Variants in SYT16 observed in about 807,000 individuals in gnomAD.
SYT16 encodes the protein synaptotagmin 16.
SYT16 carries 42 observed loss-of-function variants against 61.4 expected under a neutral mutation model. That is an observed-to-expected ratio of 0.68 (90% CI 0.53 to 0.89). The LOEUF is 0.89. SYT16 is among the 40% of genes least tolerant of loss of function. The pLI is 0.00. For missense variants in SYT16, 804 were observed against 807.3 expected (o/e 1.00, Z 0.05); for synonymous variants, 314 against 302.3 (o/e 1.04, Z -0.40).
At chr14:62,015,378 A>G (rs955472458) in intron 3 of SYT16, among the ~76,000 whole-genome samples, 1 of 152,114 alleles carries the variant, frequency 6.6e-6, no homozygotes, top group African/African-American at 2.4e-5. Flanking sequence ...GACCAGTGTA[A>G]ATATCCTATA....
chr14:62,106,550 T>C lies in SYT16; in HGVS notation c.*5843T>C, dbSNP rs1347000183. ...ACCCTTTATAAAGTTCCTTCTAATA[T>C]TTAGGTGTAACGTTAAAAAAGAATC... is the stretch of plus-strand genomic sequence containing the variant. On this transcript the variant is annotated 3_prime_UTR_variant, in exon 8 of 8. Transcript: ENST00000683842. 1 of 152,192 alleles carries C rather than the reference T, an allele frequency of 6.6e-6. No homozygotes were observed. 9.4% of individuals were successfully genotyped at this position (152,192 alleles called of 1,614,324 possible).
intron 1 of SYT16, among the ~76,000 whole-genome samples, chr14:61,865,628 T>C (rs1422143485): frequency 6.6e-6 from 1 of 152,218 alleles, no homozygotes; most frequent in Non-Finnish European, 1.5e-5. Context: ...TTTTCAGTAA[T>C]ATACATAGGA....
At chr14:62,045,137 A>AAAATAAAT (rs754323210) in intron 3 of SYT16, among the ~76,000 whole-genome samples, 1 of 151,854 alleles carries the variant, frequency 6.6e-6, no homozygotes, top group Non-Finnish European at 1.5e-5. Flanking sequence ...GACTATGTCT[A>AAAATAAAT]AAATAAATAA....
chr14:61,841,448 T>G (rs1040093764), intron 1 of SYT16, among the ~76,000 whole-genome samples: 5 of 152,210 alleles, frequency 3.3e-5, no homozygotes, highest in Non-Finnish European at 7.4e-5. Flanking sequence ...GAGGAATTCC[T>G]AGATTAGCAG....
At chr14:61,836,373 C>T (rs535780332) in intron 1 of SYT16, among the ~76,000 whole-genome samples, 1 of 152,208 alleles carries the variant, frequency 6.6e-6, no homozygotes, top group East Asian at 1.9e-4. Flanking sequence ...TTAATTCACA[C>T]AAACATCAGC....
intron 1 of SYT16, among the ~76,000 whole-genome samples, chr14:61,949,235 A>G (rs2050568728): frequency 6.6e-6 from 1 of 152,196 alleles, no homozygotes; most frequent in Admixed American, 6.5e-5. Flanking sequence ...TCTCCAAGGC[A>G]AGACACAACC....
At chr14:62,081,332 C>G in intron 6 of SYT16, 58 bp downstream of exon 6, 1 of 1,527,636 alleles carries the variant, frequency 6.5e-7, no homozygotes, top group Non-Finnish European at 8.9e-7. Context: ...CTGGGATTGT[C>G]AGCCCTTGAT....
intron 3 of SYT16, among the ~76,000 whole-genome samples, chr14:62,056,982 C>T (rs563590546): frequency 1.3e-5 from 2 of 152,228 alleles, no homozygotes; most frequent in East Asian, 1.9e-4. Context: ...TGTTCCGAAA[C>T]GTGAGCCGCG....
At chr14:61,860,391 G>T (rs1395968665) in intron 1 of SYT16, among the ~76,000 whole-genome samples, 1 of 152,168 alleles carries the variant, frequency 6.6e-6, no homozygotes, top group Non-Finnish European at 1.5e-5. Context: ...CCTTTTTAGT[G>T]AAAGAGGAAG....
intron 1 of SYT16, among the ~76,000 whole-genome samples, chr14:61,826,072 G>A (rs2045762587): frequency 6.6e-6 from 1 of 152,066 alleles, no homozygotes; most frequent in African/African-American, 2.4e-5. Flanking sequence ...ATAATAATTT[G>A]TTTTTATTTC....
intron 1 of SYT16, among the ~76,000 whole-genome samples, chr14:61,838,572 C>A (rs2046203221): frequency 6.6e-6 from 1 of 152,204 alleles, no homozygotes; most frequent in East Asian, 1.9e-4. Context: ...CTCTTAAATT[C>A]ATTCCTTTCC....
intron 7 of SYT16, among the ~76,000 whole-genome samples, chr14:62,087,312 G>A (rs142527885): frequency 1.3e-3 from 192 of 151,900 alleles, no homozygotes; most frequent in African/African-American, 2.5e-3. Context: ...CAAGTGCACC[G>A]CTCCCCACGG....
chr14:61,929,532 A>G (rs1008549162), intron 1 of SYT16, among the ~76,000 whole-genome samples: 7 of 152,172 alleles, frequency 4.6e-5, no homozygotes, highest in Non-Finnish European at 8.8e-5. Flanking sequence ...TACTTGTTTA[A>G]GCAGTAGTTG....
intron 1 of SYT16, among the ~76,000 whole-genome samples, chr14:61,935,383 T>G (rs557369548): frequency 1.3e-5 from 2 of 152,222 alleles, no homozygotes; most frequent in Non-Finnish European, 2.9e-5. Context: ...TCTTTGCATA[T>G]TTTTTCATTA....
At chr14:61,893,191 TG>T (rs1320235067) in intron 1 of SYT16, among the ~76,000 whole-genome samples, 1 of 152,202 alleles carries the variant, frequency 6.6e-6, no homozygotes, top group Non-Finnish European at 1.5e-5. Flanking sequence ...AGAAAGTGAA[TG>T]TGGTTTGGGG....
intron 1 of SYT16, among the ~76,000 whole-genome samples, chr14:61,941,182 C>A (rs1486203980): frequency 6.6e-6 from 1 of 152,240 alleles, no homozygotes; most frequent in South Asian, 2.1e-4. Flanking sequence ...TGCACAAACG[C>A]CAGCCTCTTT....
At chr14:61,868,134 A>G (rs1437996001) in intron 1 of SYT16, among the ~76,000 whole-genome samples, 2 of 151,892 alleles carry the variant, frequency 1.3e-5, no homozygotes, top group Non-Finnish European at 2.9e-5. Context: ...TAAAGTAGAG[A>G]GTAGAATAAT....
chr14:61,820,265 T>C (rs2045570656), intron 1 of SYT16, among the ~76,000 whole-genome samples: 1 of 152,184 alleles, frequency 6.6e-6, no homozygotes. Context: ...ACACAACTTG[T>C]AGAAACCTTG....
chr14:61,967,836 T>C (rs911032376), intron 1 of SYT16, among the ~76,000 whole-genome samples: 1 of 152,158 alleles, frequency 6.6e-6, no homozygotes, highest in Non-Finnish European at 1.5e-5. Flanking sequence ...AACTTATAAA[T>C]GAAATGACTT....
Sources: allele counts gnomAD v4.1 joint callset (sites outside exome capture counted in the v4.1 genomes callset), GRCh38; gene constraint gnomAD v4.1.1; transcripts MANE v1.5; gene names NCBI Gene and HGNC (gene_info 2026-07-23, HGNC 2026-07-21).